Variants in APPL2 observed in about 807,000 individuals in gnomAD.
APPL2 encodes the protein adaptor protein, phosphotyrosine interacting with PH domain and leucine zipper 2, also known as DCC-interacting protein 13-beta.
Under a neutral mutation model 92.7 loss-of-function variants are expected in APPL2, and 84 were observed. That is an observed-to-expected ratio of 0.91 (90% confidence interval 0.76 to 1.09). APPL2 has a LOEUF of 1.09. Among genes scored for constraint, APPL2 ranks in the 50% least tolerant of loss-of-function variants. The pLI is 0.00. For missense variants in APPL2, 736 were observed against 824.5 expected (o/e 0.89, Z 1.31); for synonymous variants, 291 against 291.0 (o/e 1.00, Z 0.00).
chr12:105,211,348 T>C (rs779132463), intron 4 of APPL2, 31 bp from the exon 5 acceptor site: 6 of 1,422,078 alleles, frequency 4.2e-6, no homozygotes, highest in Non-Finnish European at 5.0e-6. Flanking sequence ...TTCAAGTAAA[T>C]TAAATACATT....
In APPL2 at chr12:105,190,054, G is replaced by A. The variant is rs758381619; in HGVS notation, c.1343C>T (p.Thr448Met). The change falls in exon 15 of 21, where the codon ACG becomes ATG. Residue 448 changes from threonine to methionine, a missense_variant. Transcript: ENST00000258530. Reference sequence around the variant, plus strand: ...AAGCACAATATCGAATTGAATCGGCGTTCCAGGCGCGATCAGCTCCTCTGC... The same window carrying A: ...AAGCACAATATCGAATTGAATCGGCATTCCAGGCGCGATCAGCTCCTCTGC... ...PEAEELIAPG[T>M]PIQFDIVLPA... is the part of the protein sequence containing the mutation. The A allele has an allele frequency of 4.6e-5, 75 of 1,614,170 alleles. No individual in the cohort carries two copies. The highest frequency in any genetic ancestry group is 1.6e-4 in the Middle Eastern group (1 of 6,062).
intron 14 of APPL2, 150 bp downstream of exon 14, chr12:105,195,111 T>TA (rs2135957631): frequency 1.4e-6 from 1 of 714,044 alleles, no homozygotes; most frequent in South Asian, 1.8e-5. Flanking sequence ...CACAGGCAGG[T>TA]ATTTAACCTT....
In APPL2 at chr12:105,214,090, G is replaced by A. The variant is rs112452297; in HGVS notation, c.286-2773C>T. Among the ~76,000 whole-genome samples, 765 of 152,270 alleles carry A rather than the reference G, an allele frequency of 5.0e-3. 4 individuals carry two copies. The highest frequency in any genetic ancestry group is 0.014 in the Middle Eastern group (4 of 294). ...ATCCCAGCTGCTTGGAAAGGCTGAG[G>A]CAGGAGAGTTGCTTAAACCCGGGAG... On this transcript the variant is annotated intron_variant, in intron 4 of 20. Coordinates refer to ENST00000258530, the MANE Select transcript of APPL2 (RefSeq NM_018171.5).
At chr12:105,187,076 A>T (rs7978034) in intron 17 of APPL2, among the ~76,000 whole-genome samples, 1 of 152,004 alleles carries the variant, frequency 6.6e-6, no homozygotes, top group African/African-American at 2.4e-5. Context: ...GTACTTTTAC[A>T]TATATTTTCC....
At chr12:105,230,069 C>T (rs956678891) in intron 1 of APPL2, among the ~76,000 whole-genome samples, 3 of 152,230 alleles carry the variant, frequency 2.0e-5, no homozygotes, top group South Asian at 2.1e-4. Context: ...TGTGAGCCAC[C>T]GCACCTGGCC....
intron 2 of APPL2, among the ~76,000 whole-genome samples, chr12:105,219,887 C>G (rs1465881816): frequency 2.0e-5 from 3 of 152,208 alleles, no homozygotes; most frequent in Non-Finnish European, 4.4e-5. Flanking sequence ...GAGGGCAGCA[C>G]CATGTGGAAC....
intron 17 of APPL2, among the ~76,000 whole-genome samples, chr12:105,182,321 G>T (rs1455816310): frequency 1.3e-5 from 2 of 152,210 alleles, no homozygotes; most frequent in African/African-American, 4.8e-5. Context: ...GAGCCATGGT[G>T]CCCAACCTTC....
At chr12:105,229,255 A>C in intron 1 of APPL2, 32 bp from the exon 2 acceptor site, 1 of 1,580,496 alleles carries the variant, frequency 6.3e-7, no homozygotes, top group Non-Finnish European at 8.6e-7. Context: ...GGTCAATTTC[A>C]TTTCTAAGTG....
chr12:105,184,985 G>C (rs1181006753), intron 17 of APPL2, among the ~76,000 whole-genome samples: 1 of 152,192 alleles, frequency 6.6e-6, no homozygotes, highest in Non-Finnish European at 1.5e-5. Context: ...AGGCAGTCTG[G>C]CTACAGCAGT....
chr12:105,203,904 C>A, intron 8 of APPL2, 119 bp from the exon 9 acceptor site: 1 of 775,292 alleles, frequency 1.3e-6, no homozygotes, highest in South Asian at 1.6e-5. Context: ...GCCTCGCACG[C>A]GGCACTGGCA....
chr12:105,216,958 T>C, intron 4 of APPL2, 111 bp downstream of exon 4: 1 of 698,656 alleles, frequency 1.4e-6, no homozygotes, highest in Non-Finnish European at 2.4e-6. Context: ...GAAGTTGAGA[T>C]ACCTTCTCAG....
intron 16 of APPL2, among the ~76,000 whole-genome samples, chr12:105,189,542 CA>C (rs1887014650): frequency 6.6e-6 from 1 of 152,174 alleles, no homozygotes; most frequent in Admixed American, 6.5e-5. Flanking sequence ...TGCTATGCTA[CA>C]AAAACGCTAT....
intron 4 of APPL2, among the ~76,000 whole-genome samples, chr12:105,212,449 C>T (rs754798230): frequency 2.6e-5 from 4 of 152,238 alleles, no homozygotes; most frequent in Admixed American, 6.5e-5. Flanking sequence ...ACTTTACAGA[C>T]ATGCAAATAG....
At chr12:105,218,569 A>C (rs891517319) in intron 2 of APPL2, among the ~76,000 whole-genome samples, 2 of 152,220 alleles carry the variant, frequency 1.3e-5, no homozygotes, top group African/African-American at 4.8e-5. Context: ...ACGTGGAAGA[A>C]ATGCACTGCC....
At chr12:105,199,645 G>A (rs1887976747) in intron 9 of APPL2, 114 bp from the exon 10 acceptor site, 5 of 1,156,182 alleles carry the variant, frequency 4.3e-6, no homozygotes, top group Non-Finnish European at 4.8e-6. Flanking sequence ...TACAGATGGA[G>A]CTGCCAGCCT....
At chr12:105,214,336 C>T (rs796271906) in intron 4 of APPL2, among the ~76,000 whole-genome samples, 31 of 152,344 alleles carry the variant, frequency 2.0e-4, no homozygotes, top group African/African-American at 7.2e-4. Context: ...CAACTAACCG[C>T]GTTTCCTTAG....
intron 11 of APPL2, 105 bp from the exon 12 acceptor site, chr12:105,195,732 T>A (rs1009428126): frequency 5.5e-6 from 7 of 1,274,992 alleles, no homozygotes; most frequent in Non-Finnish European, 7.9e-6. Context: ...AAAAGTGCCA[T>A]GAAGGCAGCA....
intron 1 of APPL2, chr12:105,233,082 A>G (rs1202286637): frequency 1.0e-6 from 1 of 985,134 alleles, no homozygotes; most frequent in Admixed American, 6.1e-5. Context: ...TCAAAAGTGT[A>G]CTACTTACAG....
chr12:105,217,875 G>C, intron 2 of APPL2, 150 bp from the exon 3 acceptor site: 1 of 648,668 alleles, frequency 1.5e-6, no homozygotes, highest in South Asian at 2.0e-5. Context: ...GATTGAGGCA[G>C]GAAGATCACT....
Sources: gnomAD v4.1 joint callset for allele counts (sites outside exome capture counted in the v4.1 genomes callset) on GRCh38, gnomAD v4.1.1 for gene constraint, MANE v1.5 for transcripts, NCBI Gene and HGNC (gene_info 2026-07-23, HGNC 2026-07-21) for gene names.